The following SH3RF1 variants were observed in gnomAD, a reference collection of about 807,000 sequenced individuals.
The protein encoded by SH3RF1 is E3 ubiquitin-protein ligase SH3RF1.
A neutral mutation model predicts 74.0 loss-of-function variants in SH3RF1; 32 were observed. The observed-to-expected ratio is 0.43, with a 90% confidence interval of 0.33 to 0.58. The LOEUF is 0.58. SH3RF1 is among the 20% of genes least tolerant of loss of function. The pLI is 0.05. For synonymous variants in SH3RF1, 396 were observed against 439.6 expected (o/e 0.90, Z 1.24); for missense variants, 954 against 1,130.9 (o/e 0.84, Z 2.24).
intron 2 of SH3RF1, among the ~76,000 whole-genome samples, chr4:169,199,430 G>T (rs1003492760): frequency 2.6e-5 from 4 of 152,116 alleles, no homozygotes; most frequent in Admixed American, 1.3e-4. Context: ...AACCATTAGG[G>T]TCTTATAATC....
At position 169,230,888 on chromosome 4, in the gene SH3RF1, C is replaced by T. The variant is rs1730727405; in HGVS notation, c.393+37932G>A. 4.0e-5 allele frequency among the ~76,000 whole-genome samples: 6 copies of T among 151,616 alleles called. No individual in the cohort carries two copies. The South Asian group carries it at 1.0e-3, about 26-fold the overall frequency. On this transcript the variant is annotated intron_variant, in intron 2 of 11. Coordinates refer to ENST00000284637, the MANE Select transcript of SH3RF1 (RefSeq NM_020870.4). ...AAAAAAAAAAAAAATTACTGAGTCC[C>T]CCTCTAAAAAATTCTATTAAAATGA... is the stretch of plus-strand genomic sequence containing the variant.
At chr4:169,267,314 G>A (rs1731369349) in intron 2 of SH3RF1, among the ~76,000 whole-genome samples, 2 of 152,276 alleles carry the variant, frequency 1.3e-5, no homozygotes, top group South Asian at 4.1e-4. Context: ...GCCTTCCCTA[G>A]TCTAATTAAC....
In SH3RF1 at chr4:169,105,075, A is replaced by G. The variant is rs555858417; in HGVS notation, c.2498+1772T>C. ...AAATATACATATGGCTTCATCTGAAATACAGAGGTAAGGTGAATTTAAGGC... is the reference window on the plus strand; with the variant it reads ...AAATATACATATGGCTTCATCTGAAGTACAGAGGTAAGGTGAATTTAAGGC... On this transcript the variant is annotated intron_variant, in intron 11 of 11. Transcript: ENST00000284637. Among the ~76,000 whole-genome samples the G allele has an allele frequency of 3.3e-5, 5 of 152,306 alleles. No individual in the cohort carries two copies. The East Asian group carries it at 9.6e-4, about 29-fold the overall frequency.
At chr4:169,114,190 C>T (rs1579088368) in intron 10 of SH3RF1, among the ~76,000 whole-genome samples, 1 of 152,168 alleles carries the variant, frequency 6.6e-6, no homozygotes, top group Non-Finnish European at 1.5e-5. Context: ...TGTGGCAGGG[C>T]TGGTTCCTTC....
At chr4:169,133,315 A>T (rs1283327932) in intron 5 of SH3RF1, among the ~76,000 whole-genome samples, 4 of 152,146 alleles carry the variant, frequency 2.6e-5, no homozygotes, top group Non-Finnish European at 5.9e-5. Context: ...TATACTAAAA[A>T]ACTACAAAAA....
At chr4:169,237,719 A>C (rs1730842056) in intron 2 of SH3RF1, among the ~76,000 whole-genome samples, 1 of 152,202 alleles carries the variant, frequency 6.6e-6, no homozygotes. Flanking sequence ...AAAAGACACA[A>C]GACAGTAAAG....
chr4:169,102,875 G>A (rs1214070658), intron 11 of SH3RF1, among the ~76,000 whole-genome samples: 1 of 145,324 alleles, frequency 6.9e-6, no homozygotes, highest in Non-Finnish European at 1.5e-5. Flanking sequence ...CCACGTGGTT[G>A]CTTCTTTCCA....
At chr4:169,122,483 C>T (rs1733458109) in intron 6 of SH3RF1, among the ~76,000 whole-genome samples, 2 of 152,022 alleles carry the variant, frequency 1.3e-5, no homozygotes, top group African/African-American at 4.8e-5. Context: ...GCCAAAGCAA[C>T]CTTTTCAGCA....
chr4:169,160,263 T>G (rs895147841), intron 2 of SH3RF1, among the ~76,000 whole-genome samples: 6 of 152,176 alleles, frequency 3.9e-5, no homozygotes, highest in Admixed American at 3.9e-4. Flanking sequence ...CACAATATGG[T>G]TTTTTGTGAT....
chr4:169,179,682 G>A (rs145700315), intron 2 of SH3RF1, among the ~76,000 whole-genome samples: 4 of 152,126 alleles, frequency 2.6e-5, no homozygotes, highest in Admixed American at 1.3e-4. Context: ...AGAGCCCCAC[G>A]CAAAGACAAC....
chr4:169,123,963 CAGG>C (rs1733484292), intron 6 of SH3RF1, among the ~76,000 whole-genome samples: 2 of 152,004 alleles, frequency 1.3e-5, no homozygotes, highest in South Asian at 4.2e-4. Flanking sequence ...AACCTTTAAC[CAGG>C]AGAAGGGCAA....
chr4:169,252,437 G>C (rs915858325), intron 2 of SH3RF1, among the ~76,000 whole-genome samples: 1 of 152,144 alleles, frequency 6.6e-6, no homozygotes, highest in Middle Eastern at 3.2e-3. Flanking sequence ...CCATTGAAAA[G>C]GGCTATGAAA....
At chr4:169,168,577 T>C (rs1734281297) in intron 2 of SH3RF1, among the ~76,000 whole-genome samples, 1 of 152,196 alleles carries the variant, frequency 6.6e-6, no homozygotes, top group African/African-American at 2.4e-5. Context: ...TGATTGGAAC[T>C]CGCTGAATAA....
intron 4 of SH3RF1, among the ~76,000 whole-genome samples, chr4:169,148,661 C>A (rs1021764581): frequency 2.6e-5 from 4 of 152,066 alleles, no homozygotes; most frequent in African/African-American, 9.7e-5. Flanking sequence ...TTAGCATGTT[C>A]CAGGCAAGTA....
chr4:169,172,912 C>T (rs1734356349), intron 2 of SH3RF1, among the ~76,000 whole-genome samples: 1 of 152,168 alleles, frequency 6.6e-6, no homozygotes, highest in African/African-American at 2.4e-5. Context: ...GAGAGGGACA[C>T]TCTTGCTCTC....
Position 169,156,608 on chromosome 4 carries a change from G to C in SH3RF1, c.465C>G (p.Phe155Leu). The C allele has an allele frequency of 6.2e-7, 1 of 1,613,902 alleles. No homozygotes were observed. Residue 155 changes from phenylalanine (F) to leucine (L), a missense_variant, in exon 3 of 12, where the codon TTC becomes TTG. By Grantham distance (22) the Phe-to-Leu change is conservative (BLOSUM62 0). This residue lies in a region of SH3RF1 where 854 missense variants were observed against 962.5 expected (regional missense o/e 0.89). Transcript: ENST00000284637. ...GCAAAATGATGATGTCACCTTTGCT[G>C]AATTTAAGGTCTCCAGGCTCTTTTC... ...YEGKEPGDLK[F>L]SKGDIIILRR...
chr4:169,165,555 G>A (rs1305803186), intron 2 of SH3RF1, among the ~76,000 whole-genome samples: 3 of 151,898 alleles, frequency 2.0e-5, no homozygotes, highest in Non-Finnish European at 4.4e-5. Flanking sequence ...AAGGTATGGT[G>A]GCACGTGCCT....
chr4:169,252,839 C>T (rs753959802), intron 2 of SH3RF1, among the ~76,000 whole-genome samples: 26 of 152,120 alleles, frequency 1.7e-4, no homozygotes, highest in Middle Eastern at 3.2e-3. Flanking sequence ...AAATCCTAAA[C>T]TGGCAACAAC....
intron 10 of SH3RF1, among the ~76,000 whole-genome samples, chr4:169,115,205 A>T (rs1228473869): frequency 1.3e-5 from 2 of 152,174 alleles, no homozygotes; most frequent in Non-Finnish European, 2.9e-5. Context: ...ATGTTTCCTT[A>T]TATTTCAAGT....
Sources: allele counts gnomAD v4.1 joint callset (sites outside exome capture counted in the v4.1 genomes callset), GRCh38; gene constraint gnomAD v4.1.1; regional missense constraint gnomAD v4.1.1; transcripts MANE v1.5; gene names NCBI Gene and HGNC (gene_info 2026-07-23, HGNC 2026-07-21).